The following PLA2G4B variants were observed in gnomAD, a reference collection of about 807,000 sequenced individuals.
The protein encoded by PLA2G4B is phospholipase A2 group IVB.
PLA2G4B carries 122 observed loss-of-function variants against 95.8 expected under a neutral mutation model. The observed-to-expected ratio is 1.27, with a 90% CI of 1.10 to 1.48. The LOEUF is 1.48. Among genes scored for constraint, PLA2G4B ranks in the 40% most tolerant of loss-of-function variants. The pLI, the probability that PLA2G4B is intolerant of heterozygous loss-of-function variation, is 0.00. For synonymous variants in PLA2G4B, 518 were observed against 421.5 expected (o/e 1.23, Z -2.80); for missense variants, 1,158 against 996.2 (o/e 1.16, Z -2.19).
chr15:41,846,694 C>A lies in PLA2G4B; in HGVS notation c.1806C>A (p.Asn602Lys), dbSNP rs761187573. The A allele has an allele frequency of 2.5e-6, 4 of 1,612,506 alleles. No individual in the cohort carries two copies. Among genetic ancestry groups the A allele is most frequent in the Non-Finnish European group, 3.4e-6 (4 of 1,179,006 alleles). The change falls in exon 18 of 20, where the codon AAC (asparagine) becomes AAA (lysine). Residue 602 changes from asparagine (N) to lysine (K), a missense_variant. Transcript: ENST00000458483. ...CTACCACTCTGGATGGGCTCCCCAA[C>A]CAGCTGACACCCTCGGAGCCCCACC... is the stretch of plus-strand genomic sequence containing the variant. Reference protein sequence around the residue: ...WKATTLDGLPNQLTPSEPHLC... With the variant: ...WKATTLDGLPKQLTPSEPHLC...
At position 41,847,496 on chromosome 15, in the gene PLA2G4B, G is replaced by A. The variant is rs146916493; in HGVS notation, c.2107G>A (p.Asp703Asn). 7 of 1,608,740 alleles carry A rather than the reference G, an allele frequency of 4.4e-6. No homozygotes were observed. The highest frequency in any genetic ancestry group is 4.0e-5 in the African/African-American group (3 of 74,664). Reference sequence around the variant, plus strand: ...GGTGCTGCACTTTCCTCTGGTCAGCGACTCCTTCCGGGAGTACTCGGCCCC... The same window carrying A: ...GGTGCTGCACTTTCCTCTGGTCAGCAACTCCTTCCGGGAGTACTCGGCCCC... ...PAVLHFPLVS[D>N]SFREYSAPGV... Residue 703 changes from aspartate to asparagine, a missense_variant, in exon 19 of 20, where the codon GAC becomes AAC. Coordinates refer to ENST00000458483, the MANE Select transcript of PLA2G4B (RefSeq NM_001114633.2).
Position 41,846,822 on chromosome 15 carries a change from A to G in PLA2G4B, c.1934A>G (p.His645Arg). 1 of 1,610,944 alleles carries G rather than the reference A, an allele frequency of 6.2e-7. No individual in the cohort carries two copies. Among genetic ancestry groups the G allele is most frequent in the African/African-American group, 1.3e-5 (1 of 74,976 alleles). The change falls in exon 18 of 20, where the codon CAC (histidine) becomes CGC (arginine). Residue 645 changes from histidine (H) to arginine (R), a missense_variant. Transcript: ENST00000458483. ...ATCCTGTCATTGGACTACAACCTCC[A>G]CGGAGCCTTCCAGGTTGGGAAGGGT... ...DLILSLDYNLHGAFQQLQLLG... is the reference protein window; with the variant it reads ...DLILSLDYNLRGAFQQLQLLG...
In PLA2G4B at chr15:41,846,673, C is replaced by T; in HGVS notation, c.1785C>T (p.Thr595=). 6.2e-7 allele frequency: 1 copy of T among 1,605,564 alleles called. No homozygotes were observed. The highest frequency in any genetic ancestry group is 8.5e-7 in the Non-Finnish European group (1 of 1,174,242). The change falls in exon 18 of 20, where the codon ACC becomes ACT. Residue 595 remains threonine (T), a synonymous_variant. Transcript: ENST00000458483. ...QHPHFSTWKA[T]TLDGLPNQLT... ...CTGCTCTCCCCAACCTTCCAGCTACCACTCTGGATGGGCTCCCCAACCAGC... is the reference window on the plus strand; with the variant it reads ...CTGCTCTCCCCAACCTTCCAGCTACTACTCTGGATGGGCTCCCCAACCAGC...
rs2065617518 is a variant in PLA2G4B, at chr15:41,848,142, A to G, written c.*282A>G. 1.8e-6 allele frequency: 1 copy of G among 559,280 alleles called. No homozygotes were observed. The highest frequency in any genetic ancestry group is 2.1e-5 in the South Asian group (1 of 47,740). The allele number at this position is 559,280 out of a possible 1,614,324, so 34.6% of individuals were successfully genotyped here. A position where few individuals can be genotyped will look rare whatever the true frequency, so the allele number is the denominator to read the frequency against. On this transcript the variant is annotated 3_prime_UTR_variant, in exon 20 of 20. Coordinates refer to ENST00000458483, the MANE Select transcript of PLA2G4B (RefSeq NM_001114633.2). ...ACTTGATACATCACAGACTCATACAAATGTGAGGCGCTGAGACCATCTGTT... is the reference window on the plus strand; with the variant it reads ...ACTTGATACATCACAGACTCATACAGATGTGAGGCGCTGAGACCATCTGTT...
rs757806457 is a variant in PLA2G4B, at chr15:41,844,494, C to T, written c.903C>T (p.Ala301=). Residue 301 remains alanine (A), a synonymous_variant, in exon 12 of 20, where the codon GCC becomes GCT. Transcript: ENST00000458483. The part of the protein sequence containing the change: ...EDEIPVVAIM[A]TGGGIRAMTS... The stretch of plus-strand genomic sequence containing the variant: ...AGATCCCAGTGGTAGCTATTATGGC[C>T]ACTGGTGGTGGGATCCGGGCAATGA... The T allele has an allele frequency of 5.0e-6, 8 of 1,614,180 alleles. No homozygotes were observed. Among genetic ancestry groups the T allele is most frequent in the Middle Eastern group, 1.6e-4 (1 of 6,062 alleles).
chr15:41,842,763 A>ACCTAT lies in PLA2G4B; in HGVS notation c.743+172_743+173insCCTAT, dbSNP rs554359088. 1.5e-4 allele frequency: 155 copies of ACCTAT among 1,035,044 alleles called. No individual in the cohort carries two copies. The African/African-American group carries it at 1.8e-3, about 12-fold the overall frequency. 64.1% of individuals were successfully genotyped at this position (1,035,044 alleles called of 1,614,324 possible). A position where few individuals can be genotyped will look rare whatever the true frequency, so the allele number is the denominator to read the frequency against. The stretch of plus-strand genomic sequence containing the variant: ...ACGAAGTACTGGGAGGAGTACTGGG[A>ACCTAT]GGAGTCTTAGCACCTATGGTCAGAG... On this transcript the variant is annotated intron_variant, in intron 10 of 19. Transcript: ENST00000458483.
At position 41,840,340 on chromosome 15, in the gene PLA2G4B, G is replaced by A. The variant is rs941506936; in HGVS notation, c.82+110G>A. 3.2e-6 allele frequency: 5 copies of A among 1,574,908 alleles called. No homozygotes were observed. In the South Asian group the frequency reaches 3.4e-5, roughly 11 times the overall value. On this transcript the variant is annotated intron_variant, in intron 2 of 19. Transcript: ENST00000458483. Reference sequence around the variant, plus strand: ...GGAGGCGGGTGGGCCGGTGGGCAGGGCCTAGAGGAGGGAGCTGAGAGGAGC... The same window carrying A: ...GGAGGCGGGTGGGCCGGTGGGCAGGACCTAGAGGAGGGAGCTGAGAGGAGC...
intron 11 of PLA2G4B, among the ~76,000 whole-genome samples, chr15:41,844,169 G>A (rs2065488432): frequency 6.6e-6 from 1 of 152,178 alleles, no homozygotes; most frequent in Admixed American, 6.5e-5. Context: ...GGCAATTTGG[G>A]AAAATTCTGA....
In PLA2G4B at chr15:41,846,757, C is replaced by A. The variant is rs1336190492; in HGVS notation, c.1869C>A (p.Ser623Arg). Residue 623 changes from serine to arginine, a missense_variant, in exon 18 of 20, where the codon AGC (serine) becomes AGA (arginine). Ser to Arg is a moderately radical substitution (Grantham distance 110, BLOSUM62 -1). Coordinates refer to ENST00000458483, the MANE Select transcript of PLA2G4B (RefSeq NM_001114633.2). ...ATGTTGGCTACCTCATCAATACCAGCTGCCTGCCCCTCCTGCAGCCCACTC... is the reference window on the plus strand; with the variant it reads ...ATGTTGGCTACCTCATCAATACCAGATGCCTGCCCCTCCTGCAGCCCACTC... ...LLDVGYLINT[S>R]CLPLLQPTRD... The A allele has an allele frequency of 6.2e-7, 1 of 1,613,936 alleles. No individual in the cohort carries two copies. Among genetic ancestry groups the A allele is most frequent in the African/African-American group, 1.3e-5 (1 of 74,924 alleles).
In PLA2G4B at chr15:41,845,666, C is replaced by T. The variant is rs762581406; in HGVS notation, c.1386C>T (p.Val462=). ...GGTGCGAGTTCTCTCCCTACGAGGT[C>T]GGCTTCCCCAAGTACGGGGCCTTCA... ...GEWCEFSPYE[V]GFPKYGAFIP... The change falls in exon 15 of 20, where the codon GTC becomes GTT. Residue 462 remains valine (V), a synonymous_variant. Coordinates refer to ENST00000458483, the MANE Select transcript of PLA2G4B (RefSeq NM_001114633.2). 39 of 1,614,038 alleles carry T rather than the reference C, an allele frequency of 2.4e-5. No homozygotes were observed. The highest frequency in any genetic ancestry group is 2.8e-5 in the Non-Finnish European group (33 of 1,180,026).
chr15:41,844,731 C>G, intron 12 of PLA2G4B, 117 bp from the exon 13 acceptor site: 1 of 1,559,756 alleles, frequency 6.4e-7, no homozygotes, highest in South Asian at 1.2e-5. Context: ...GAAACGTGCT[C>G]AAGGGGACCC....
At chr15:41,843,919 C>A in intron 11 of PLA2G4B, 108 bp downstream of exon 11, 2 of 1,474,824 alleles carry the variant, frequency 1.4e-6, no homozygotes, top group Non-Finnish European at 1.8e-6. Context: ...CTCGTAGCTG[C>A]CTGTCCCCAC....
At chr15:41,845,117 C>A (rs1399007240) in intron 13 of PLA2G4B, 47 bp downstream of exon 13, 1 of 1,602,262 alleles carries the variant, frequency 6.2e-7, no homozygotes, top group Non-Finnish European at 8.5e-7. Context: ...AGGGCTGGAG[C>A]TGGGGCTCGG....
chr15:41,841,309 T>TC, intron 6 of PLA2G4B, 36 bp downstream of exon 6: 1 of 1,611,100 alleles, frequency 6.2e-7, no homozygotes, highest in East Asian at 2.2e-5. Flanking sequence ...CGGTCTGGGG[T>TC]CCCCGGGACT....
At chr15:41,840,339 G>C (rs1254672591) in intron 2 of PLA2G4B, 109 bp downstream of exon 2, 2 of 1,573,382 alleles carry the variant, frequency 1.3e-6, no homozygotes, top group African/African-American at 2.7e-5. Flanking sequence ...CGGTGGGCAG[G>C]GCCTAGAGGA....
At chr15:41,842,492 A>G in intron 9 of PLA2G4B, 62 bp from the exon 10 acceptor site, 1 of 1,606,130 alleles carries the variant, frequency 6.2e-7, no homozygotes, top group South Asian at 1.1e-5. Context: ...GATCAGGGTA[A>G]GAGGACCAGA....
intron 12 of PLA2G4B, 89 bp downstream of exon 12, chr15:41,844,696 G>T: frequency 6.3e-7 from 1 of 1,599,470 alleles, no homozygotes; most frequent in Non-Finnish European, 8.5e-7. Flanking sequence ...AACTAGAAGG[G>T]CTGGGAGAAT....
Position 41,839,024 on chromosome 15 carries a change from A to G in PLA2G4B, c.9+102A>G, listed in dbSNP as rs1264728542. On this transcript the variant is annotated intron_variant, in intron 1 of 19. Coordinates refer to ENST00000458483, the MANE Select transcript of PLA2G4B (RefSeq NM_001114633.2). ...GGGAGCTGTGGTCTTCTCCAGGGGT[A>G]GGGAGGGGAGTTTATTGACCACAAG... 4 of 984,766 alleles carry G rather than the reference A, an allele frequency of 4.1e-6. No homozygotes were observed. The East Asian group carries it at 8.1e-5, about 20-fold the overall frequency. 61.0% of individuals were successfully genotyped at this position (984,766 alleles called of 1,614,324 possible).
chr15:41,846,072 G>T, intron 16 of PLA2G4B, 25 bp downstream of exon 16: 1 of 1,569,888 alleles, frequency 6.4e-7, no homozygotes, highest in Non-Finnish European at 8.7e-7. Context: ...CCCTTCATAA[G>T]GGTGCCAAGG....
Sources: gnomAD v4.1 joint callset for allele counts (sites outside exome capture counted in the v4.1 genomes callset) on GRCh38, gnomAD v4.1.1 for gene constraint, MANE v1.5 for transcripts, NCBI Gene and HGNC (gene_info 2026-07-23, HGNC 2026-07-21) for gene names.